HAUS2: variants seen among roughly 807,000 people sequenced by gnomAD.
HAUS2 encodes the protein HAUS augmin like complex subunit 2.
A neutral mutation model predicts 21.6 loss-of-function variants in HAUS2; 20 were observed. That is an observed-to-expected ratio of 0.93 (90% CI 0.65 to 1.35). The LOEUF is 1.35. HAUS2 is among the 40% of genes most tolerant of loss of function. HAUS2 has a pLI of 0.00. For synonymous variants in HAUS2, 113 were observed against 95.6 expected, an observed-to-expected ratio of 1.18 and a Z score of -1.06; for missense variants, 297 against 280.7, an observed-to-expected ratio of 1.06 and a Z score of -0.42.
Position 42,548,876 on chromosome 15 carries a change from G to T in HAUS2, c.4G>T (p.Ala2Ser). Reference protein sequence around the residue: MAAANPWDPASA... With the variant: MSAANPWDPASA... ...TCGCGGAAGGTGCGTCCGAGCCATG[G>T]CCGCTGCCAACCCGTGGGACCCGGC... The change falls in exon 1 of 6, where the codon GCC becomes TCC. Residue 2 changes from alanine to serine, a missense_variant. Coordinates refer to ENST00000260372, the MANE Select transcript of HAUS2 (RefSeq NM_018097.3). 1.3e-6 allele frequency: 2 copies of T among 1,549,170 alleles called. No homozygotes were observed. The highest frequency in any genetic ancestry group is 1.7e-6 in the Non-Finnish European group (2 of 1,146,212).
intron 5 of HAUS2, among the ~76,000 whole-genome samples, chr15:42,565,515 T>G (rs1486222272): frequency 1.3e-5 from 2 of 151,878 alleles, no homozygotes; most frequent in Non-Finnish European, 2.9e-5. Context: ...TAGAGCAGAC[T>G]GAGCCTTGCT....
Position 42,569,297 on chromosome 15 carries a change from CTT to C in HAUS2, c.*2499_*2500del, listed in dbSNP as rs541338467. 3.8e-4 allele frequency: 49 copies of C among 127,990 alleles called. No homozygotes were observed. The highest frequency in any genetic ancestry group is 6.2e-4 in the Non-Finnish European group (37 of 59,772). 7.9% of individuals were successfully genotyped at this position (127,990 alleles called of 1,614,324 possible). A position where few individuals can be genotyped will look rare whatever the true frequency, so the allele number is the denominator to read the frequency against. On this transcript the variant is annotated 3_prime_UTR_variant, in exon 6 of 6. Coordinates refer to ENST00000260372, the MANE Select transcript of HAUS2 (RefSeq NM_018097.3). ...GTTTTTTGTTTTGTTCTTTTCTTTCCTTTTTTTTTTTTTTTTTTTAAAGACAG... is the reference window on the plus strand; with the variant it reads ...GTTTTTTGTTTTGTTCTTTTCTTTCCTTTTTTTTTTTTTTTTTAAAGACAG...
chr15:42,563,617 G>A (rs988055602), intron 4 of HAUS2, 132 bp from the exon 5 acceptor site: 6 of 639,744 alleles, frequency 9.4e-6, no homozygotes, highest in African/African-American at 3.7e-5. Context: ...ATGAATGCAG[G>A]AAGGTTGTTA....
At chr15:42,563,542 T>A (rs1391112080) in intron 4 of HAUS2, among the ~76,000 whole-genome samples, 2 of 152,190 alleles carry the variant, frequency 1.3e-5, no homozygotes, top group African/African-American at 4.8e-5. Flanking sequence ...TTTCCATTTT[T>A]TTATTTGGAT....
chr15:42,549,361 G>C (rs1329789139), intron 1 of HAUS2, among the ~76,000 whole-genome samples: 2 of 152,152 alleles, frequency 1.3e-5, no homozygotes, highest in Non-Finnish European at 1.5e-5. Context: ...TTTGTGGGAA[G>C]TGTTGAATCG....
intron 4 of HAUS2, among the ~76,000 whole-genome samples, chr15:42,562,671 A>C (rs1275797325): frequency 4.6e-5 from 7 of 152,240 alleles, no homozygotes. Context: ...CTTAATGTAT[A>C]TATTGTACTA....
At position 42,558,261 on chromosome 15, in the gene HAUS2, A is replaced by G. The variant is rs777901335; in HGVS notation, c.157A>G (p.Ile53Val). ...TGTGAACTTCACCAGACTACAGCAGATCACAAATATTCAAGCTGAAATCTA... is the reference window on the plus strand; with the variant it reads ...TGTGAACTTCACCAGACTACAGCAGGTCACAAATATTCAAGCTGAAATCTA... ...CFVNFTRLQQITNIQAEIYQK... is the reference protein window; with the variant it reads ...CFVNFTRLQQVTNIQAEIYQK... Residue 53 changes from isoleucine to valine, a missense_variant, in exon 2 of 6, where the codon ATC (isoleucine) becomes GTC (valine). Ile to Val is a conservative substitution (Grantham distance 29). Transcript: ENST00000260372. 4 of 1,461,126 alleles carry G rather than the reference A, an allele frequency of 2.7e-6. No individual in the cohort carries two copies. In the South Asian group the frequency reaches 4.7e-5, roughly 17 times the overall value. The allele number at this position is 1,461,126 out of a possible 1,614,324, so 90.5% of individuals were successfully genotyped here.
At position 42,554,448 on chromosome 15, in the gene HAUS2, C is replaced by G. The variant is rs1305760324; in HGVS notation, c.94-3750C>G. On this transcript the variant is annotated intron_variant, in intron 1 of 5. Coordinates refer to ENST00000260372, the MANE Select transcript of HAUS2 (RefSeq NM_018097.3). Reference sequence around the variant, plus strand: ...TAAACTCTGTACTATTCCCTATTCCCTCCTCCCTCTTCATTAGTGTTTTTA... The same window carrying G: ...TAAACTCTGTACTATTCCCTATTCCGTCCTCCCTCTTCATTAGTGTTTTTA... Among the ~76,000 whole-genome samples the G allele has an allele frequency of 4.0e-5, 6 of 151,576 alleles. No individual in the cohort carries two copies. In the South Asian group the frequency reaches 1.3e-3, roughly 32 times the overall value.
Position 42,559,324 on chromosome 15 carries a change from T to C in HAUS2, c.187-15T>C, listed in dbSNP as rs539145350. 10 of 1,514,430 alleles carry C rather than the reference T, an allele frequency of 6.6e-6. No individual in the cohort carries two copies. The East Asian group carries it at 2.3e-4, about 34-fold the overall frequency. The allele number at this position is 1,514,430 out of a possible 1,614,324, so 93.8% of individuals were successfully genotyped here. On this transcript the variant is annotated splice_polypyrimidine_tract_variant and intron_variant, in intron 2 of 5. Coordinates refer to ENST00000260372, the MANE Select transcript of HAUS2 (RefSeq NM_018097.3). ...TTTCTGATTGAGCTAAATGTTACTT[T>C]TGTTCCTCATGTAGAAAAACCTGGA...
At chr15:42,561,679 A>G (rs1262504729) in intron 4 of HAUS2, 3 of 298,736 alleles carry the variant, frequency 1.0e-5, no homozygotes, top group Admixed American at 4.5e-5. Flanking sequence ...AACTGTTTGT[A>G]TGTGAAGTAA....
intron 1 of HAUS2, among the ~76,000 whole-genome samples, chr15:42,557,511 T>TATTACATATAATATAC (rs1555383540): frequency 7.2e-6 from 1 of 138,768 alleles, no homozygotes; most frequent in Non-Finnish European, 1.5e-5. Context: ...ATAATGTATA[T>TATTACATATAATATAC]ATTATATATA....
chr15:42,563,921 G>C (rs2057879097), intron 5 of HAUS2, 64 bp downstream of exon 5: 3 of 793,544 alleles, frequency 3.8e-6, no homozygotes, highest in South Asian at 1.5e-5. Flanking sequence ...TGCTCTCCCA[G>C]TTTAGCTTTT....
chr15:42,549,728 C>T (rs979596798), intron 1 of HAUS2, among the ~76,000 whole-genome samples: 9 of 129,044 alleles, frequency 7.0e-5, no homozygotes, highest in African/African-American at 2.3e-4. Flanking sequence ...GGATTACAGG[C>T]GTGAGCCACC....
chr15:42,548,852 C>A lies in HAUS2; in HGVS notation c.-21C>A, dbSNP rs1211820426. 3 of 1,537,544 alleles carry A rather than the reference C, an allele frequency of 2.0e-6. No individual in the cohort carries two copies. Among genetic ancestry groups the A allele is most frequent in the African/African-American group, 2.8e-5 (2 of 72,608 alleles). ...CGATCCCGCTCACTCTTGGCGCCTT[C>A]GCGGAAGGTGCGTCCGAGCCATGGC... On this transcript the variant is annotated 5_prime_UTR_variant, in exon 1 of 6. Coordinates refer to ENST00000260372, the MANE Select transcript of HAUS2 (RefSeq NM_018097.3).
Position 42,568,996 on chromosome 15 carries a change from A to T in HAUS2, c.*2180A>T, listed in dbSNP as rs1419713976. On this transcript the variant is annotated 3_prime_UTR_variant, in exon 6 of 6. Transcript: ENST00000260372. ...TGGAGGTAGTCTTGGAGACCCTGGC[A>T]TACAAAGCAGTTCCTAAGTGTTTAC... 1 of 152,250 alleles carries T rather than the reference A, an allele frequency of 6.6e-6. No homozygotes were observed. The highest frequency in any genetic ancestry group is 1.5e-5 in the Non-Finnish European group (1 of 68,042). The allele number at this position is 152,250 out of a possible 1,614,324, so 9.4% of individuals were successfully genotyped here. A position where few individuals can be genotyped will look rare whatever the true frequency, so the allele number is the denominator to read the frequency against.
At chr15:42,549,816 G>T (rs1194838583) in intron 1 of HAUS2, among the ~76,000 whole-genome samples, 1 of 150,184 alleles carries the variant, frequency 6.7e-6, no homozygotes, top group African/African-American at 2.4e-5. Context: ...TAAGACCTTG[G>T]AACGTGAATG....
chr15:42,549,952 C>T (rs147675808), intron 1 of HAUS2, among the ~76,000 whole-genome samples: 237 of 151,760 alleles, frequency 1.6e-3, no homozygotes, highest in African/African-American at 5.6e-3. Context: ...AGAAATTGAA[C>T]ATGTGAGGAA....
At chr15:42,549,239 C>A (rs1462379630) in intron 1 of HAUS2, among the ~76,000 whole-genome samples, 1 of 152,000 alleles carries the variant, frequency 6.6e-6, no homozygotes. Flanking sequence ...TAGACTGTTA[C>A]CAGCCTTTTT....
chr15:42,553,069 C>T (rs2057740951), intron 1 of HAUS2, among the ~76,000 whole-genome samples: 1 of 151,458 alleles, frequency 6.6e-6, no homozygotes, highest in Admixed American at 6.6e-5. Context: ...TCACCACAAC[C>T]TCCGCCTCCC....
Sources: allele counts gnomAD v4.1 joint callset (sites outside exome capture counted in the v4.1 genomes callset), GRCh38; gene constraint gnomAD v4.1.1; transcripts MANE v1.5; gene names NCBI Gene and HGNC (gene_info 2026-07-23, HGNC 2026-07-21).